MCM10: variants seen among roughly 807,000 people sequenced by gnomAD.
MCM10 encodes the protein minichromosome maintenance 10 replication initiation factor.
In MCM10, 91 loss-of-function variants were observed where a neutral mutation model predicts 109.9. The observed-to-expected ratio is 0.83, with a 90% confidence interval of 0.70 to 0.99. The LOEUF (loss-of-function observed/expected upper bound fraction) is 0.99, where lower values mean the gene tolerates loss of function less well. Ranked by LOEUF, MCM10 falls within the 50% of genes least tolerant of loss-of-function variation. The pLI is 0.00. For synonymous variants in MCM10, 380 were observed against 387.2 expected (o/e 0.98, Z 0.22); for missense variants, 1,077 against 1,061.2 (o/e 1.01, Z -0.21).
At chr10:13,162,409 A>G (rs1471890817) in intron 1 of MCM10, among the ~76,000 whole-genome samples, 1 of 152,208 alleles carries the variant, frequency 6.6e-6, no homozygotes, top group Non-Finnish European at 1.5e-5. Flanking sequence ...AAAGGTTACT[A>G]AGGAAAGGGA....
At chr10:13,163,546 G>A (rs1171234360) in intron 1 of MCM10, among the ~76,000 whole-genome samples, 1 of 152,140 alleles carries the variant, frequency 6.6e-6, no homozygotes, top group Non-Finnish European at 1.5e-5. Flanking sequence ...TTGCTGACTA[G>A]TATTGAATCA....
intron 11 of MCM10, 74 bp from the exon 12 acceptor site, chr10:13,192,181 T>C: frequency 1.1e-6 from 1 of 911,596 alleles, no homozygotes. Flanking sequence ...GTGCAGAGTT[T>C]AGAAAGTGGT....
intron 18 of MCM10, among the ~76,000 whole-genome samples, chr10:13,205,160 A>G (rs79483006): frequency 0.025 from 3,793 of 151,700 alleles, 162 homozygotes; most frequent in African/African-American, 0.086. Context: ...AATAATGTAC[A>G]TTGTACCCAT....
chr10:13,188,341 A>G (rs113487743), intron 9 of MCM10, among the ~76,000 whole-genome samples: 11 of 152,276 alleles, frequency 7.2e-5, no homozygotes, highest in African/African-American at 2.6e-4. Flanking sequence ...TATACAGTTA[A>G]TCATTTTAAA....
intron 18 of MCM10, among the ~76,000 whole-genome samples, chr10:13,205,311 T>G (rs1234943887): frequency 6.6e-6 from 1 of 152,120 alleles, no homozygotes; most frequent in Non-Finnish European, 1.5e-5. Context: ...GTTTTTTCAC[T>G]TAGGATAATG....
Position 13,197,672 on chromosome 10 carries a change from C to G in MCM10, c.2024C>G (p.Thr675Arg). The change falls in exon 15 of 20, where the codon ACA (threonine) becomes AGA (arginine). Residue 675 changes from threonine to arginine, a missense_variant. Physicochemically the swap from Thr to Arg is moderately conservative, Grantham distance 71. Transcript: ENST00000378714. ...GCAAAAGGCCAGGTTCTTACAAAAA[C>G]AAACCCAAACAGCATTAAGAAGAAA... is the stretch of plus-strand genomic sequence containing the variant. ...LRAKGQVLTKTNPNSIKKKQK... is the reference protein window; with the variant it reads ...LRAKGQVLTKRNPNSIKKKQK... 1 of 1,614,004 alleles carries G rather than the reference C, an allele frequency of 6.2e-7. No homozygotes were observed. Among genetic ancestry groups the G allele is most frequent in the Non-Finnish European group, 8.5e-7 (1 of 1,179,962 alleles).
At chr10:13,198,158 C>T (rs957663112) in intron 15 of MCM10, among the ~76,000 whole-genome samples, 13 of 152,064 alleles carry the variant, frequency 8.5e-5, no homozygotes, top group African/African-American at 3.1e-4. Flanking sequence ...ATGATCCGCC[C>T]GCCTTGACCT....
Position 13,191,335 on chromosome 10 carries a change from C to T in MCM10, c.1452C>T (p.Thr484=). ...TGGCTCCTAAGAAGAAGATTCAAAC[C>T]ACTCTGAGTAATCTGGTTGTTAAGG... ...AAVAPKKKIQ[T]TLSNLVVKGT... is the part of the protein sequence containing the mutation. The change falls in exon 11 of 20, where the codon ACC becomes ACT. Residue 484 remains threonine (T), a synonymous_variant. Coordinates refer to ENST00000378714, the MANE Select transcript of MCM10 (RefSeq NM_018518.5). 6.2e-7 allele frequency: 1 copy of T among 1,614,090 alleles called. No homozygotes were observed. Among genetic ancestry groups the T allele is most frequent in the Non-Finnish European group, 8.5e-7 (1 of 1,180,000 alleles).
At position 13,202,431 on chromosome 10, in the gene MCM10, C is replaced by T. The variant is rs1192574877; in HGVS notation, c.2352+897C>T. Among the ~76,000 whole-genome samples, 2 of 152,206 alleles carry T rather than the reference C, an allele frequency of 1.3e-5. 1 individual carries two copies. The highest frequency in any genetic ancestry group is 3.8e-4 in the East Asian group (2 of 5,198). ...TTCCATTACCATTTGTTCCCACTAT[C>T]CCTGTGTGGCAAATCAGCCTACTTA... is the stretch of plus-strand genomic sequence containing the variant. On this transcript the variant is annotated intron_variant, in intron 17 of 19. Transcript: ENST00000378714.
At chr10:13,183,521 G>A (rs1022041039) in intron 8 of MCM10, among the ~76,000 whole-genome samples, 8 of 152,146 alleles carry the variant, frequency 5.3e-5, no homozygotes, top group African/African-American at 1.7e-4. Flanking sequence ...TTGTGTCTCC[G>A]TGAATCTGGC....
intron 16 of MCM10, 102 bp from the exon 17 acceptor site, chr10:13,201,319 A>C: frequency 8.2e-6 from 6 of 729,648 alleles, no homozygotes; most frequent in Non-Finnish European, 1.4e-5. Flanking sequence ...TTTGATTATT[A>C]TCAGCTGAGT....
At chr10:13,208,950 T>G (rs1834621589) in intron 18 of MCM10, 141 bp from the exon 19 acceptor site, 1 of 689,388 alleles carries the variant, frequency 1.5e-6, no homozygotes, top group Admixed American at 2.4e-5. Context: ...TAACCTCAGA[T>G]TTGGCATACA....
At chr10:13,174,490 C>G (rs539004359) in intron 5 of MCM10, among the ~76,000 whole-genome samples, 1 of 152,290 alleles carries the variant, frequency 6.6e-6, no homozygotes, top group South Asian at 2.1e-4. Flanking sequence ...CTTTGATAAT[C>G]TGCGCCAGTG....
intron 15 of MCM10, 81 bp from the exon 16 acceptor site, chr10:13,198,608 T>C: frequency 1.2e-6 from 1 of 843,984 alleles, no homozygotes. Context: ...GAGGAGGGAG[T>C]GGGAGGGAGT....
chr10:13,163,810 C>T (rs1356722305), intron 1 of MCM10, among the ~76,000 whole-genome samples: 1 of 152,090 alleles, frequency 6.6e-6, no homozygotes, highest in Non-Finnish European at 1.5e-5. Flanking sequence ...GTATTACAGG[C>T]GTTGAGCCAC....
rs370413707 is a variant in MCM10 at position 13,197,606 on chromosome 10, C to T, written c.1975-17C>T. The T allele has an allele frequency of 3.5e-5, 57 of 1,608,172 alleles. No individual in the cohort carries two copies. The highest frequency in any genetic ancestry group is 1.7e-5 in the Admixed American group (1 of 58,578). On this transcript the variant is annotated splice_polypyrimidine_tract_variant and intron_variant, in intron 14 of 19. Coordinates refer to ENST00000378714, the MANE Select transcript of MCM10 (RefSeq NM_018518.5). ...ATCTTTTAGATCTTTACCTCCCTCT[C>T]ATTCCCTTTTTTCTAGTTAGCTGCT... is the stretch of plus-strand genomic sequence containing the variant.
chr10:13,168,325 G>A (rs10508454), intron 2 of MCM10, among the ~76,000 whole-genome samples: 1 of 152,160 alleles, frequency 6.6e-6, no homozygotes, highest in African/African-American at 2.4e-5. Flanking sequence ...TGAGCATTAG[G>A]CCCCATCATC....
chr10:13,166,637 A>C (rs75717052), intron 2 of MCM10, among the ~76,000 whole-genome samples: 2 of 91,342 alleles, frequency 2.2e-5, no homozygotes, highest in Admixed American at 2.2e-4. Flanking sequence ...CTCTGTCTCA[A>C]AAAAAAAAAA....
chr10:13,165,913 A>G (rs7071378), intron 2 of MCM10, among the ~76,000 whole-genome samples: 63,650 of 148,768 alleles, frequency 0.43, 13,877 homozygotes, highest in African/African-American at 0.48. Flanking sequence ...AAATCATAAT[A>G]TTTAGTAAGA....
Sources: gnomAD v4.1 joint callset for allele counts (sites outside exome capture counted in the v4.1 genomes callset) on GRCh38, gnomAD v4.1.1 for gene constraint, MANE v1.5 for transcripts, NCBI Gene and HGNC (gene_info 2026-07-23, HGNC 2026-07-21) for gene names.